Variants in CHST9 observed in about 807,000 individuals in gnomAD.
CHST9 encodes carbohydrate sulfotransferase 9.
Under a neutral mutation model 44.4 loss-of-function variants are expected in CHST9, and 41 were observed. The observed-to-expected ratio is 0.92, with a 90% confidence interval of 0.72 to 1.20. The LOEUF (loss-of-function observed/expected upper bound fraction) is 1.20. Among genes scored for constraint, CHST9 ranks in the 50% most tolerant of loss-of-function variants. The pLI is 0.00. For missense variants in CHST9, 504 were observed against 516.5 expected (o/e 0.98, Z 0.23); for synonymous variants, 171 against 178.4 (o/e 0.96, Z 0.33).
At chr18:27,117,256 A>T (rs2058333189) in intron 2 of CHST9, among the ~76,000 whole-genome samples, 1 of 152,062 alleles carries the variant, frequency 6.6e-6, no homozygotes, top group African/African-American at 2.4e-5. Flanking sequence ...AATAAACTAA[A>T]TTTTTTAGAG....
chr18:27,012,927 A>T (rs1224828101), intron 4 of CHST9, among the ~76,000 whole-genome samples: 1 of 152,218 alleles, frequency 6.6e-6, no homozygotes, highest in Non-Finnish European at 1.5e-5. Context: ...TACACTGTAC[A>T]TAGGATCTAA....
At chr18:27,111,873 A>T (rs993769921) in intron 2 of CHST9, among the ~76,000 whole-genome samples, 5 of 151,640 alleles carry the variant, frequency 3.3e-5, no homozygotes, top group Admixed American at 2.0e-4. Context: ...TCTGCCCTTG[A>T]CTCGTGGCTC....
chr18:27,014,590 A>G (rs897931191), intron 4 of CHST9, among the ~76,000 whole-genome samples: 1 of 151,910 alleles, frequency 6.6e-6, no homozygotes, highest in Non-Finnish European at 1.5e-5. Flanking sequence ...ATTAGAAAAC[A>G]GCCAAGCTTA....
At chr18:27,122,999 T>A (rs1262652541) in intron 2 of CHST9, among the ~76,000 whole-genome samples, 1 of 152,178 alleles carries the variant, frequency 6.6e-6, no homozygotes, top group South Asian at 2.1e-4. Context: ...GCTAAGACAA[T>A]GCAGCTACTA....
intron 4 of CHST9, among the ~76,000 whole-genome samples, chr18:26,960,331 A>G (rs371978341): frequency 2.6e-5 from 4 of 152,160 alleles, no homozygotes; most frequent in African/African-American, 4.8e-5. Context: ...TTCAACTTAG[A>G]TAGTGGAATG....
rs780611373 is a variant in CHST9 at position 27,048,517 on chromosome 18, T to C, written c.122-14A>G. 55 of 1,600,030 alleles carry C rather than the reference T, an allele frequency of 3.4e-5. No individual in the cohort carries two copies. The highest frequency in any genetic ancestry group is 4.3e-5 in the Non-Finnish European group (51 of 1,173,128). ...TCTCCACTCTCCCTGAAATGAGAAG[T>C]GGAAGATAAGTTACAGCATGGAGTC... On this transcript the variant is annotated splice_polypyrimidine_tract_variant and intron_variant, in intron 2 of 5. Transcript: ENST00000618847.
At chr18:27,031,390 C>G (rs1471399560) in intron 3 of CHST9, among the ~76,000 whole-genome samples, 1 of 152,126 alleles carries the variant, frequency 6.6e-6, no homozygotes, top group African/African-American at 2.4e-5. Flanking sequence ...CATATCCCCC[C>G]ACCATCTCCT....
chr18:27,162,420 A>T (rs2143932963), intron 1 of CHST9, among the ~76,000 whole-genome samples: 1 of 152,246 alleles, frequency 6.6e-6, no homozygotes, highest in East Asian at 1.9e-4. Context: ...TTTCTTTAAG[A>T]ATGTTGAATA....
chr18:27,082,247 T>G (rs1044332914), intron 2 of CHST9, among the ~76,000 whole-genome samples: 1 of 152,238 alleles, frequency 6.6e-6, no homozygotes, highest in Admixed American at 6.5e-5. Context: ...GAGAAATTCA[T>G]CACAATGTTC....
intron 2 of CHST9, among the ~76,000 whole-genome samples, chr18:27,122,879 G>T (rs2058386697): frequency 6.6e-6 from 1 of 152,150 alleles, no homozygotes; most frequent in African/African-American, 2.4e-5. Context: ...AGCATTTTAA[G>T]TGAGTGAAAG....
rs1568083538 is a variant in CHST9, at chr18:26,907,195, G to C, written c.*9064C>G. The C allele has an allele frequency of 1.3e-5, 2 of 152,686 alleles. No individual in the cohort carries two copies. Among genetic ancestry groups the C allele is most frequent in the Non-Finnish European group, 2.9e-5 (2 of 68,196 alleles). The allele number at this position is 152,686 out of a possible 1,614,324, so 9.5% of individuals were successfully genotyped here. A position where few individuals can be genotyped will look rare whatever the true frequency, so the allele number is the denominator to read the frequency against. On this transcript the variant is annotated 3_prime_UTR_variant, in exon 6 of 6. Coordinates refer to ENST00000618847, the MANE Select transcript of CHST9 (RefSeq NM_031422.6). ...GGATGGGAGGAGAGGAGAAGCTTGA[G>C]AAAAAGTCAGGCAGTGAAGTTAATG...
intron 1 of CHST9, among the ~76,000 whole-genome samples, chr18:27,181,690 T>C (rs994702746): frequency 1.3e-5 from 2 of 152,234 alleles, no homozygotes; most frequent in Non-Finnish European, 1.5e-5. Context: ...TCTTAAAATA[T>C]ATTAACCACC....
At chr18:26,943,102 G>A (rs890699085) in intron 5 of CHST9, among the ~76,000 whole-genome samples, 3 of 151,286 alleles carry the variant, frequency 2.0e-5, no homozygotes, top group East Asian at 1.9e-4. Context: ...GCGAGACTCC[G>A]TCTAAAAAAA....
chr18:27,122,235 TG>T lies in CHST9; in HGVS notation c.121+20453del, dbSNP rs1186317975. ...TACTATCTGAACTGCTCAGAAATTT[TG>T]CTACTGCCCAGATATAATTCTGGAT... On this transcript the variant is annotated intron_variant, in intron 2 of 5. Coordinates refer to ENST00000618847, the MANE Select transcript of CHST9 (RefSeq NM_031422.6). 6.6e-5 allele frequency among the ~76,000 whole-genome samples: 10 copies of T among 152,360 alleles called. No individual in the cohort carries two copies. The East Asian group carries it at 1.3e-3, about 21-fold the overall frequency.
intron 2 of CHST9, among the ~76,000 whole-genome samples, chr18:27,127,364 A>G (rs1186352821): frequency 6.6e-6 from 1 of 152,228 alleles, no homozygotes; most frequent in Non-Finnish European, 1.5e-5. Flanking sequence ...ACGTCAAGGG[A>G]AAGTGGCATG....
rs560615838 is a variant in CHST9 at position 27,153,313 on chromosome 18, T to G, written c.-96-10408A>C. ...GGTGGCTTAAAACAACAGAAATGTA[T>G]TCTGTTACAGTTCTGGAGGCCAGAT... is the stretch of plus-strand genomic sequence containing the variant. On this transcript the variant is annotated intron_variant, in intron 1 of 5. Coordinates refer to ENST00000618847, the MANE Select transcript of CHST9 (RefSeq NM_031422.6). 7.2e-5 allele frequency among the ~76,000 whole-genome samples: 11 copies of G among 152,126 alleles called. 1 individual carries two copies. The highest frequency in any genetic ancestry group is 2.7e-4 in the African/African-American group (11 of 41,432).
At chr18:27,109,645 A>G (rs1371397695) in intron 2 of CHST9, among the ~76,000 whole-genome samples, 2 of 152,222 alleles carry the variant, frequency 1.3e-5, no homozygotes, top group African/African-American at 4.8e-5. Context: ...CTCTAGTGCC[A>G]GATCTAATTG....
chr18:27,110,142 CTT>C (rs71171618), intron 2 of CHST9, among the ~76,000 whole-genome samples: 4 of 143,558 alleles, frequency 2.8e-5, no homozygotes, highest in Non-Finnish European at 1.5e-5. Flanking sequence ...TTAGCCCAGT[CTT>C]TTTTTTTTTT....
chr18:27,164,083 T>C lies in CHST9; in HGVS notation c.-97+21053A>G, dbSNP rs552835372. On this transcript the variant is annotated intron_variant, in intron 1 of 5. Coordinates refer to ENST00000618847, the MANE Select transcript of CHST9 (RefSeq NM_031422.6). Reference sequence around the variant, plus strand: ...TACCAGAAAGAAGCAAGATGTTGTTTGCTATAAAATCCAGGAAAGGTTGAC... The same window carrying C: ...TACCAGAAAGAAGCAAGATGTTGTTCGCTATAAAATCCAGGAAAGGTTGAC... 2.0e-4 allele frequency among the ~76,000 whole-genome samples: 30 copies of C among 152,286 alleles called. No homozygotes were observed. In the East Asian group the frequency reaches 5.8e-3, roughly 29 times the overall value.
Sources: gnomAD v4.1 joint callset for allele counts (sites outside exome capture counted in the v4.1 genomes callset) on GRCh38, gnomAD v4.1.1 for gene constraint, MANE v1.5 for transcripts, NCBI Gene and HGNC (gene_info 2026-07-23, HGNC 2026-07-21) for gene names.